The following PCDHAC2 variants were observed in gnomAD, a reference collection of about 807,000 sequenced individuals.
PCDHAC2 encodes protocadherin alpha subfamily C, 2.
A neutral mutation model predicts 63.3 loss-of-function variants in PCDHAC2; 24 were observed. The observed-to-expected ratio is 0.38, with a 90% CI of 0.27 to 0.53. PCDHAC2 has a LOEUF of 0.53. Among genes scored for constraint, PCDHAC2 ranks in the 20% least tolerant of loss-of-function variants. The pLI, the probability that PCDHAC2 is intolerant of heterozygous loss-of-function variation, is 0.81. For synonymous variants in PCDHAC2, 569 were observed against 529.4 expected (o/e 1.07, Z -1.03); for missense variants, 1,181 against 1,275.2 (o/e 0.93, Z 1.12).
At chr5:140,972,275 G>A (rs548735122) in intron 1 of PCDHAC2, among the ~76,000 whole-genome samples, 1 of 150,974 alleles carries the variant, frequency 6.6e-6, no homozygotes, top group African/African-American at 2.4e-5. Flanking sequence ...GAGTAGCTTG[G>A]ACCATAGATG....
At chr5:140,977,513 A>G (rs1378316611) in intron 1 of PCDHAC2, among the ~76,000 whole-genome samples, 2 of 152,236 alleles carry the variant, frequency 1.3e-5, no homozygotes, top group African/African-American at 4.8e-5. Context: ...GCATTTTGTG[A>G]ACTTGAAAAC....
At chr5:140,986,141 G>C (rs1473474920) in intron 3 of PCDHAC2, among the ~76,000 whole-genome samples, 2 of 152,138 alleles carry the variant, frequency 1.3e-5, no homozygotes, top group African/African-American at 2.4e-5. Context: ...ATCAACAAGG[G>C]CATCACCAAG....
At position 140,966,932 on chromosome 5, in the gene PCDHAC2, G is replaced by A; in HGVS notation, c.166G>A (p.Ala56Thr). 6.2e-7 allele frequency: 1 copy of A among 1,603,726 alleles called. No individual in the cohort carries two copies. The highest frequency in any genetic ancestry group is 8.5e-7 in the Non-Finnish European group (1 of 1,178,458). ...YSVPEEQAPG[A>T]LVGNVARALG... ...TGTGCCAGAGGAGCAGGCACCCGGC[G>A]CGCTCGTGGGCAACGTGGCTCGCGC... The change falls in exon 1 of 4, where the codon GCG becomes ACG. Residue 56 changes from alanine (A) to threonine (T), a missense_variant. By Grantham distance (58) the Ala-to-Thr change is moderately conservative. Coordinates refer to ENST00000289269, the MANE Select transcript of PCDHAC2 (RefSeq NM_018899.6).
At chr5:140,985,167 G>C (rs905296036) in intron 3 of PCDHAC2, among the ~76,000 whole-genome samples, 2 of 152,176 alleles carry the variant, frequency 1.3e-5, no homozygotes, top group Admixed American at 1.3e-4. Context: ...TCAATCTCCT[G>C]ACCTCGTAAT....
Position 140,968,739 on chromosome 5 carries a change from T to C in PCDHAC2, c.1973T>C (p.Leu658Pro). 1 of 1,614,192 alleles carries C rather than the reference T, an allele frequency of 6.2e-7. No homozygotes were observed. The highest frequency in any genetic ancestry group is 1.1e-5 in the South Asian group (1 of 91,084). ...MGDESGSTFN[L>P]TVVVRDNGEP... ...GATGAGAGTGGTAGCACTTTCAACC[T>C]GACCGTGGTGGTCCGAGATAATGGA... is the stretch of plus-strand genomic sequence containing the variant. The change falls in exon 1 of 4, where the codon CTG (leucine) becomes CCG (proline). Residue 658 changes from leucine (L) to proline (P), a missense_variant. This residue lies in a region of PCDHAC2 where 968 missense variants were observed against 1,073.5 expected (regional missense o/e 0.90). Transcript: ENST00000289269.
intron 3 of PCDHAC2, among the ~76,000 whole-genome samples, chr5:140,992,705 T>C (rs1291266922): frequency 6.6e-6 from 1 of 152,188 alleles, no homozygotes; most frequent in African/African-American, 2.4e-5. Flanking sequence ...GTAATGTTCC[T>C]GCCAGTATTC....
chr5:140,981,185 T>C (rs2096921770), intron 2 of PCDHAC2, among the ~76,000 whole-genome samples: 1 of 152,224 alleles, frequency 6.6e-6, no homozygotes. Flanking sequence ...TAGTTCAAGT[T>C]TGCCTGCTCT....
In PCDHAC2 at chr5:141,010,888, T is replaced by C. The variant is rs1419215366; in HGVS notation, c.*951T>C. The stretch of plus-strand genomic sequence containing the variant: ...AGCTATAAATCTTTAAAGAGAAATA[T>C]GAATACAATTCCCCTAAACTCTCCT... On this transcript the variant is annotated 3_prime_UTR_variant, in exon 4 of 4. Transcript: ENST00000289269. The C allele has an allele frequency of 3.9e-5, 6 of 153,866 alleles. 1 individual carries two copies. The highest frequency in any genetic ancestry group is 1.4e-4 in the African/African-American group (6 of 41,562). The allele number at this position is 153,866 out of a possible 1,614,324, so 9.5% of individuals were successfully genotyped here. A position where few individuals can be genotyped will look rare whatever the true frequency, so the allele number is the denominator to read the frequency against.
Position 140,967,158 on chromosome 5 carries a change from T to G in PCDHAC2, c.392T>G (p.Val131Gly), listed in dbSNP as rs1586192830. 1 of 1,610,448 alleles carries G rather than the reference T, an allele frequency of 6.2e-7. No individual in the cohort carries two copies. Residue 131 changes from valine to glycine, a missense_variant, in exon 1 of 4, where the codon GTG (valine) becomes GGG (glycine). Around this residue, in one of 3 missense-constraint regions of PCDHAC2, gnomAD observed 210 missense variants for 184.9 expected, o/e 1.14. Coordinates refer to ENST00000289269, the MANE Select transcript of PCDHAC2 (RefSeq NM_018899.6). ...GTGCTGGCGCACAACCCCGTGGCGG[T>G]GAGCGCCGTTGAGGTGGAAATATTG... ...LEVLAHNPVAVSAVEVEILDI... is the reference protein window; with the variant it reads ...LEVLAHNPVAGSAVEVEILDI...
intron 3 of PCDHAC2, among the ~76,000 whole-genome samples, chr5:140,993,108 G>A (rs1554253416): frequency 6.6e-6 from 1 of 152,202 alleles, no homozygotes; most frequent in African/African-American, 2.4e-5. Flanking sequence ...TCAGCGGTCA[G>A]TGTCACATCA....
intron 2 of PCDHAC2, among the ~76,000 whole-genome samples, chr5:140,979,425 A>G (rs1009935948): frequency 2.0e-5 from 3 of 151,814 alleles, no homozygotes; most frequent in African/African-American, 7.3e-5. Context: ...TTTTAATCTC[A>G]CATTGGCTAT....
In PCDHAC2 at chr5:140,977,999, G is replaced by A. The variant is rs1185111218; in HGVS notation, c.2566-950G>A. Among the ~76,000 whole-genome samples the A allele has an allele frequency of 1.3e-5, 2 of 152,132 alleles. 1 individual carries two copies. The highest frequency in any genetic ancestry group is 4.8e-5 in the African/African-American group (2 of 41,406). ...AAACGCATCTAGAGGAGTGTCACAA[G>A]TTTTTCACAGTGACATTTTTGCTTA... On this transcript the variant is annotated intron_variant, in intron 1 of 3. Coordinates refer to ENST00000289269, the MANE Select transcript of PCDHAC2 (RefSeq NM_018899.6).
intron 1 of PCDHAC2, 114 bp downstream of exon 1, chr5:140,969,445 A>G (rs2096331821): frequency 1.9e-6 from 3 of 1,542,150 alleles, no homozygotes; most frequent in Non-Finnish European, 2.6e-6. Context: ...TATCTGGTAA[A>G]CTGAGTATAT....
At chr5:140,981,828 A>C (rs2096952526) in intron 2 of PCDHAC2, among the ~76,000 whole-genome samples, 1 of 152,060 alleles carries the variant, frequency 6.6e-6, no homozygotes, top group Non-Finnish European at 1.5e-5. Context: ...GCTTGCCTCT[A>C]AAGGTCTCCC....
chr5:140,974,302 C>G (rs782329639), intron 1 of PCDHAC2, among the ~76,000 whole-genome samples: 1 of 152,176 alleles, frequency 6.6e-6, no homozygotes, highest in Non-Finnish European at 1.5e-5. Flanking sequence ...GGAGGTACAA[C>G]TGTGAGTGAG....
At chr5:140,988,085 G>T (rs1490034264) in intron 3 of PCDHAC2, among the ~76,000 whole-genome samples, 1 of 152,176 alleles carries the variant, frequency 6.6e-6, no homozygotes, top group East Asian at 1.9e-4. Flanking sequence ...ATGAGTGAGT[G>T]CAGCCTCGGG....
intron 1 of PCDHAC2, among the ~76,000 whole-genome samples, chr5:140,975,382 A>G (rs1219046015): frequency 1.3e-5 from 2 of 152,258 alleles, no homozygotes; most frequent in African/African-American, 4.8e-5. Flanking sequence ...AATCATGGGA[A>G]TAAGATCCAT....
At chr5:140,987,451 T>G (rs1481665271) in intron 3 of PCDHAC2, among the ~76,000 whole-genome samples, 2 of 152,108 alleles carry the variant, frequency 1.3e-5, no homozygotes, top group African/African-American at 4.8e-5. Flanking sequence ...GCCCGAGAGA[T>G]AATTGTTAAG....
chr5:140,972,660 ATTTT>A (rs11350929), intron 1 of PCDHAC2, among the ~76,000 whole-genome samples: 1 of 117,264 alleles, frequency 8.5e-6, no homozygotes. Flanking sequence ...AAGAAACCAA[ATTTT>A]TTTTTTTTTT....
Sources: gnomAD v4.1 joint callset for allele counts (sites outside exome capture counted in the v4.1 genomes callset) on GRCh38, gnomAD v4.1.1 for gene constraint, gnomAD v4.1.1 regional missense constraint, MANE v1.5 for transcripts, NCBI Gene and HGNC (gene_info 2026-07-23, HGNC 2026-07-21) for gene names.